Variants in ARHGEF26 observed in about 807,000 individuals in gnomAD.
ARHGEF26 encodes Rho guanine nucleotide exchange factor 26, also known as Rho guanine nucleotide exchange factor (GEF) 26.
Under a neutral mutation model 89.4 loss-of-function variants are expected in ARHGEF26, and 59 were observed. That is an observed-to-expected ratio of 0.66 (90% CI 0.54 to 0.82). ARHGEF26 has a LOEUF of 0.82. Ranked by LOEUF, ARHGEF26 falls within the 40% of genes least tolerant of loss-of-function variation. The pLI is 0.00. For synonymous variants in ARHGEF26, 500 were observed against 428.4 expected, an observed-to-expected ratio of 1.17 and a Z score of -2.06; for missense variants, 1,234 against 1,085.6, an observed-to-expected ratio of 1.14 and a Z score of -1.92.
At chr3:154,173,742 C>T (rs1435031937) in intron 6 of ARHGEF26, among the ~76,000 whole-genome samples, 1 of 152,142 alleles carries the variant, frequency 6.6e-6, no homozygotes, top group Non-Finnish European at 1.5e-5. Context: ...CCAGAGGTTG[C>T]AGAGGTTTGC....
At chr3:154,136,616 A>G (rs1359628369) in intron 4 of ARHGEF26, among the ~76,000 whole-genome samples, 1 of 152,232 alleles carries the variant, frequency 6.6e-6, no homozygotes, top group Non-Finnish European at 1.5e-5. Flanking sequence ...TGAAAGACAT[A>G]CTATTTTCTA....
intron 6 of ARHGEF26, among the ~76,000 whole-genome samples, chr3:154,168,849 A>G (rs1712220543): frequency 6.6e-6 from 1 of 152,024 alleles, no homozygotes; most frequent in Non-Finnish European, 1.5e-5. Context: ...AAGAAAGTTT[A>G]AATTTAAGCT....
In ARHGEF26 at chr3:154,243,827, A is replaced by G. The variant is rs182852906; in HGVS notation, c.2300+3248A>G. On this transcript the variant is annotated intron_variant, in intron 12 of 14. Coordinates refer to ENST00000465093, the MANE Select transcript of ARHGEF26 (RefSeq NM_015595.4). ...AAAATAGTATTGGTGTTGAAAAAAT[A>G]TATTTAACAACTAAAGACGCACTTT... Among the ~76,000 whole-genome samples, 291 of 150,068 alleles carry G rather than the reference A, an allele frequency of 1.9e-3. 3 individuals are homozygous for G. Among genetic ancestry groups the G allele is most frequent in the Non-Finnish European group, 4.4e-4 (30 of 67,976 alleles).
At chr3:154,148,911 A>C (rs1719841177) in intron 4 of ARHGEF26, among the ~76,000 whole-genome samples, 1 of 152,190 alleles carries the variant, frequency 6.6e-6, no homozygotes, top group African/African-American at 2.4e-5. Context: ...ACTGGTACAG[A>C]CTTGGTATTA....
chr3:154,210,115 G>A (rs1715273206), intron 9 of ARHGEF26, among the ~76,000 whole-genome samples: 1 of 152,148 alleles, frequency 6.6e-6, no homozygotes, highest in Non-Finnish European at 1.5e-5. Flanking sequence ...GGTGAATGCT[G>A]CCTGGCCTGG....
At chr3:154,138,399 A>G (rs1013805213) in intron 4 of ARHGEF26, among the ~76,000 whole-genome samples, 1 of 151,980 alleles carries the variant, frequency 6.6e-6, no homozygotes, top group African/African-American at 2.4e-5. Context: ...CTGTATCTGC[A>G]TTGTTGCAGC....
chr3:154,189,208 C>T (rs1258603175), intron 7 of ARHGEF26, among the ~76,000 whole-genome samples: 1 of 152,070 alleles, frequency 6.6e-6, no homozygotes, highest in East Asian at 1.9e-4. Context: ...TAAAAAATGT[C>T]ACTAGGTACT....
At chr3:154,238,109 G>A (rs1373182348) in intron 11 of ARHGEF26, among the ~76,000 whole-genome samples, 1 of 152,134 alleles carries the variant, frequency 6.6e-6, no homozygotes, top group Non-Finnish European at 1.5e-5. Context: ...GTTCTGTGTT[G>A]CTAAAAATTG....
chr3:154,212,860 G>A (rs1384419396), intron 9 of ARHGEF26, among the ~76,000 whole-genome samples: 4 of 152,080 alleles, frequency 2.6e-5, no homozygotes, highest in African/African-American at 9.7e-5. Flanking sequence ...ATGGCCCTGG[G>A]GGTGGGGGAT....
At chr3:154,168,529 A>G (rs6794151) in intron 6 of ARHGEF26, among the ~76,000 whole-genome samples, 58,516 of 152,008 alleles carry the variant, frequency 0.38, 11,888 homozygotes, top group South Asian at 0.53. Flanking sequence ...GTGAACCGAG[A>G]TCACTCCACT....
chr3:154,247,876 A>G (rs532116066), intron 12 of ARHGEF26, among the ~76,000 whole-genome samples: 1 of 152,346 alleles, frequency 6.6e-6, no homozygotes, highest in East Asian at 1.9e-4. Context: ...TCTGTGAAAA[A>G]TACAGAAGTC....
intron 4 of ARHGEF26, among the ~76,000 whole-genome samples, chr3:154,134,819 T>C (rs112220695): frequency 3.3e-5 from 5 of 152,282 alleles, no homozygotes; most frequent in African/African-American, 4.8e-5. Flanking sequence ...AAAAGCCTTT[T>C]CTGCATCTAT....
chr3:154,176,996 A>C (rs1214836723), intron 6 of ARHGEF26, among the ~76,000 whole-genome samples: 1 of 152,150 alleles, frequency 6.6e-6, no homozygotes, highest in Non-Finnish European at 1.5e-5. Flanking sequence ...AGAAGAGTAA[A>C]TACCATAAAA....
At chr3:154,154,887 C>T (rs949557345) in intron 6 of ARHGEF26, among the ~76,000 whole-genome samples, 2 of 151,938 alleles carry the variant, frequency 1.3e-5, no homozygotes, top group East Asian at 1.9e-4. Context: ...TTTCTTTGTG[C>T]TTACACCCTG....
intron 7 of ARHGEF26, among the ~76,000 whole-genome samples, chr3:154,190,090 AT>A (rs1191854111): frequency 6.6e-6 from 1 of 152,080 alleles, no homozygotes; most frequent in East Asian, 1.9e-4. Context: ...GGAGTACAAT[AT>A]CCATCTACCT....
In ARHGEF26 at chr3:154,150,474, T is replaced by C. The variant is rs34412531; in HGVS notation, c.1326+1029T>C. ...TTGTGCATGTGTGTTAAAATGTATATGTATGAGATTCTATGCATATTTTTT... is the reference window on the plus strand; with the variant it reads ...TTGTGCATGTGTGTTAAAATGTATACGTATGAGATTCTATGCATATTTTTT... On this transcript the variant is annotated intron_variant, in intron 5 of 14. Coordinates refer to ENST00000465093, the MANE Select transcript of ARHGEF26 (RefSeq NM_015595.4). Among the ~76,000 whole-genome samples the C allele has an allele frequency of 7.1e-3, 1,076 of 152,268 alleles. 8 individuals carry two copies. The highest frequency in any genetic ancestry group is 0.011 in the Non-Finnish European group (749 of 67,990).
At chr3:154,145,794 T>G (rs1418515063) in intron 4 of ARHGEF26, among the ~76,000 whole-genome samples, 1 of 152,214 alleles carries the variant, frequency 6.6e-6, no homozygotes, top group African/African-American at 2.4e-5. Flanking sequence ...GCTGTATCCA[T>G]AGATAAGTTC....
At chr3:154,172,359 G>A (rs897272639) in intron 6 of ARHGEF26, among the ~76,000 whole-genome samples, 2 of 152,194 alleles carry the variant, frequency 1.3e-5, no homozygotes, top group Non-Finnish European at 2.9e-5. Context: ...TTTTCAGAAT[G>A]TGGAAAGCAC....
At chr3:154,180,065 A>G (rs1241260619) in intron 6 of ARHGEF26, among the ~76,000 whole-genome samples, 3 of 152,056 alleles carry the variant, frequency 2.0e-5, no homozygotes, top group African/African-American at 7.2e-5. Flanking sequence ...TTCTGTCTTC[A>G]AAGCCTACTG....
Sources: gnomAD v4.1 joint callset for allele counts (sites outside exome capture counted in the v4.1 genomes callset) on GRCh38, gnomAD v4.1.1 for gene constraint, MANE v1.5 for transcripts, NCBI Gene and HGNC (gene_info 2026-07-23, HGNC 2026-07-21) for gene names.